Variants in FRMD1 observed in about 807,000 individuals in gnomAD.
FRMD1 encodes the protein FERM domain-containing protein 1.
A neutral mutation model predicts 54.9 loss-of-function variants in FRMD1; 51 were observed. The observed-to-expected ratio is 0.93, with a 90% CI of 0.74 to 1.17. The LOEUF is 1.17. FRMD1 is among the 50% of genes most tolerant of loss of function. The pLI, the probability that FRMD1 is intolerant of heterozygous loss-of-function variation, is 0.00. For synonymous variants in FRMD1, 324 were observed against 306.4 expected (o/e 1.06, Z -0.60); for missense variants, 729 against 743.0 (o/e 0.98, Z 0.22).
At chr6:168,080,189 C>A (rs777057210), upstream of FRMD1, among the ~76,000 whole-genome samples, 1 of 152,064 alleles carries the variant, frequency 6.6e-6, no homozygotes, top group South Asian at 2.1e-4. Flanking sequence ...GCACTCCAGC[C>A]GCCCTAAGGC....
chr6:168,070,262 AGG>A (rs1800234075), intron 2 of FRMD1, among the ~76,000 whole-genome samples: 1 of 112,186 alleles, frequency 8.9e-6, no homozygotes, highest in Non-Finnish European at 1.9e-5. Context: ...GAAAGAAGGA[AGG>A]AAGGAAAGAA....
chr6:168,072,765 C>T (rs1446468750), intron 2 of FRMD1, among the ~76,000 whole-genome samples: 1 of 150,094 alleles, frequency 6.7e-6, no homozygotes, highest in African/African-American at 2.5e-5. Context: ...ATGCCAAGAA[C>T]AGGGTTGGGA....
intron 1 of FRMD1, among the ~76,000 whole-genome samples, chr6:168,089,639 C>T (rs1231430080): frequency 6.6e-6 from 1 of 152,254 alleles, no homozygotes; most frequent in Non-Finnish European, 1.5e-5. Context: ...GGGTGCACCC[C>T]TTCCAGCAGC....
intron 7 of FRMD1, among the ~76,000 whole-genome samples, 163 bp from the exon 8 acceptor site, chr6:168,062,144 G>C (rs371112353): frequency 1.3e-5 from 2 of 152,366 alleles, no homozygotes; most frequent in Middle Eastern, 3.4e-3. Flanking sequence ...CGGACACTGT[G>C]CTCTGCTCCG....
At chr6:168,061,096 AG>A in intron 8 of FRMD1, 39 bp from the exon 9 acceptor site, 1 of 1,578,664 alleles carries the variant, frequency 6.3e-7, no homozygotes. Flanking sequence ...CGAGCTGGAG[AG>A]GGACCAGCCC....
At chr6:168,088,678 C>G (rs1246979930) in intron 1 of FRMD1, among the ~76,000 whole-genome samples, 2 of 152,096 alleles carry the variant, frequency 1.3e-5, no homozygotes, top group African/African-American at 4.8e-5. Flanking sequence ...GTAGAGAGAA[C>G]CCCCAGGCTA....
Position 168,067,353 on chromosome 6 carries a change from C to T in FRMD1, c.384+14G>A, listed in dbSNP as rs766548315. On this transcript the variant is annotated intron_variant, in intron 3 of 10. Coordinates refer to ENST00000283309, the MANE Select transcript of FRMD1 (RefSeq NM_024919.6). ...GCGGTGCCTGCCCTCTCCCACCCGA[C>T]ACTCTACACTTACTTCATTTCTTTC... 6.4e-7 allele frequency: 1 copy of T among 1,554,288 alleles called. No homozygotes were observed. The highest frequency in any genetic ancestry group is 1.7e-4 in the Middle Eastern group (1 of 5,778).
chr6:168,065,876 C>G, intron 4 of FRMD1: 13 of 1,000,286 alleles, frequency 1.3e-5, no homozygotes, highest in Non-Finnish European at 1.6e-5. Context: ...GGTTTTCCCC[C>G]AGGGTAAACC....
intron 1 of FRMD1, among the ~76,000 whole-genome samples, chr6:168,086,888 C>A (rs1460906057): frequency 6.6e-6 from 1 of 152,236 alleles, no homozygotes; most frequent in Admixed American, 6.5e-5. Flanking sequence ...TAGCCAGGAC[C>A]TTTGCTCTTT....
chr6:168,071,801 C>A (rs1026512982), intron 2 of FRMD1, among the ~76,000 whole-genome samples: 1 of 152,218 alleles, frequency 6.6e-6, no homozygotes, highest in Non-Finnish European at 1.5e-5. Flanking sequence ...CCTGCCTGGC[C>A]GCCAGTGGGA....
rs1057492606 is a variant in FRMD1, at chr6:168,056,445, G to T, written c.*652C>A. On this transcript the variant is annotated 3_prime_UTR_variant, in exon 11 of 11. Coordinates refer to ENST00000283309, the MANE Select transcript of FRMD1 (RefSeq NM_024919.6). ...CAGCTCCGGGGCAGTGGGGTCTTTGGAAGCCCTGGCTTGGAAGGGAAAGCA... is the reference window on the plus strand; with the variant it reads ...CAGCTCCGGGGCAGTGGGGTCTTTGTAAGCCCTGGCTTGGAAGGGAAAGCA... 6.6e-5 allele frequency: 10 copies of T among 152,564 alleles called. No homozygotes were observed. Among genetic ancestry groups the T allele is most frequent in the Admixed American group, 3.9e-4 (6 of 15,294 alleles). 9.5% of individuals were successfully genotyped at this position (152,564 alleles called of 1,614,324 possible).
chr6:168,057,034 T>A lies in FRMD1; in HGVS notation c.*63A>T, dbSNP rs1307335248. On this transcript the variant is annotated 3_prime_UTR_variant, in exon 11 of 11. Coordinates refer to ENST00000283309, the MANE Select transcript of FRMD1 (RefSeq NM_024919.6). ...CGGGCAGGAAGGGACGAGGGCCATG[T>A]GGAAGTGGGGTGGGCAGGGGCTGAG... 3.5e-6 allele frequency: 5 copies of A among 1,424,966 alleles called. No individual in the cohort carries two copies. The highest frequency in any genetic ancestry group is 4.6e-6 in the Non-Finnish European group (5 of 1,087,914). The allele number at this position is 1,424,966 out of a possible 1,614,324, so 88.3% of individuals were successfully genotyped here. A position where few individuals can be genotyped will look rare whatever the true frequency, so the allele number is the denominator to read the frequency against.
chr6:168,078,496 G>A (rs1280222736), intron 1 of FRMD1, among the ~76,000 whole-genome samples: 1 of 151,770 alleles, frequency 6.6e-6, no homozygotes, highest in Non-Finnish European at 1.5e-5. Context: ...TACACAGGCT[G>A]TGTCCTGAGG....
chr6:168,059,327 G>T lies in FRMD1; in HGVS notation c.1343-139C>A. The T allele has an allele frequency of 4.4e-6, 3 of 674,164 alleles. No individual in the cohort carries two copies. The highest frequency in any genetic ancestry group is 7.5e-6 in the Non-Finnish European group (3 of 398,346). 41.8% of individuals were successfully genotyped at this position (674,164 alleles called of 1,614,324 possible). ...GGCTCACACCGCCCCCTTGCTCTCAGTGCGGTGACTGCTTTTGCTCCATTC... is the reference window on the plus strand; with the variant it reads ...GGCTCACACCGCCCCCTTGCTCTCATTGCGGTGACTGCTTTTGCTCCATTC... On this transcript the variant is annotated intron_variant, in intron 9 of 10. Coordinates refer to ENST00000283309, the MANE Select transcript of FRMD1 (RefSeq NM_024919.6). This position sits in a 1 kb window ranked among gnomAD's most constrained non-coding sequence, Gnocchi z 4.4.
intron 2 of FRMD1, among the ~76,000 whole-genome samples, chr6:168,074,946 CGT>C (rs1271303160): frequency 6.8e-6 from 1 of 147,612 alleles, no homozygotes; most frequent in Non-Finnish European, 1.5e-5. Context: ...TGTAACTGCA[CGT>C]GTGTGGCGTG....
At chr6:168,090,623 T>C (rs1026677248) in intron 1 of FRMD1, among the ~76,000 whole-genome samples, 1 of 152,252 alleles carries the variant, frequency 6.6e-6, no homozygotes, top group Non-Finnish European at 1.5e-5. Context: ...CCTGCCTGTT[T>C]GCCTGTTTGT....
At chr6:168,061,350 A>G (rs1013660929) in intron 8 of FRMD1, among the ~76,000 whole-genome samples, 2 of 151,362 alleles carry the variant, frequency 1.3e-5, no homozygotes, top group Non-Finnish European at 2.9e-5. Flanking sequence ...CGCTGAGGCC[A>G]GGTCTTGTGC....
At chr6:168,082,485 G>C (rs558312499), upstream of FRMD1, among the ~76,000 whole-genome samples, 29 of 152,344 alleles carry the variant, frequency 1.9e-4, no homozygotes, top group East Asian at 5.6e-3. Flanking sequence ...GGTCCCTGCT[G>C]TCCGTCAGCA....
At position 168,072,898 on chromosome 6, in the gene FRMD1, G is replaced by A. The variant is rs1039762885; in HGVS notation, c.304+2347C>T. The stretch of plus-strand genomic sequence containing the variant: ...CTGGACTCTCCAAAGTCAACATCCC[G>A]CCCTCCCCTGAGTGACTCTCACTGT... On this transcript the variant is annotated intron_variant, in intron 2 of 10. Transcript: ENST00000283309. Among the ~76,000 whole-genome samples the A allele has an allele frequency of 3.9e-5, 6 of 152,188 alleles. No homozygotes were observed. In the South Asian group the frequency reaches 8.3e-4, roughly 21 times the overall value.
Sources: allele counts gnomAD v4.1 joint callset (sites outside exome capture counted in the v4.1 genomes callset), GRCh38; gene constraint gnomAD v4.1.1; non-coding constraint Gnocchi (gnomAD v3.1); transcripts MANE v1.5; gene names NCBI Gene and HGNC (gene_info 2026-07-23, HGNC 2026-07-21).